GABRR1: variants seen among roughly 807,000 people sequenced by gnomAD.
GABRR1 encodes gamma-aminobutyric acid type A receptor subunit rho1.
A neutral mutation model predicts 55.5 loss-of-function variants in GABRR1; 59 were observed. That is an observed-to-expected ratio of 1.06 (90% CI 0.86 to 1.32). The LOEUF is 1.32. Ranked by LOEUF, GABRR1 falls within the 40% of genes most tolerant of loss-of-function variation. The probability of loss-of-function intolerance (pLI) is 0.00; values close to 1 mark genes in which losing one functional copy is unlikely to be tolerated. For synonymous variants in GABRR1, 213 were observed against 226.0 expected (o/e 0.94, Z 0.51); for missense variants, 602 against 619.1 (o/e 0.97, Z 0.29).
chr6:89,184,517 G>A (rs1378661431), intron 7 of GABRR1, among the ~76,000 whole-genome samples: 1 of 152,148 alleles, frequency 6.6e-6, no homozygotes, highest in African/African-American at 2.4e-5. Flanking sequence ...CTGACACTTA[G>A]AAGAGAGTCA....
intron 6 of GABRR1, among the ~76,000 whole-genome samples, chr6:89,189,711 T>C (rs1772026977): frequency 6.6e-6 from 1 of 152,058 alleles, no homozygotes; most frequent in Non-Finnish European, 1.5e-5. Flanking sequence ...AGTTTCAAAT[T>C]TGTTCCTGAT....
At chr6:89,230,406 G>T (rs1193160165) in intron 1 of GABRR1, among the ~76,000 whole-genome samples, 3 of 139,944 alleles carry the variant, frequency 2.1e-5, no homozygotes, top group Admixed American at 1.4e-4. Context: ...ATCTACTTTT[G>T]GTCTTTGATG....
upstream of GABRR1, among the ~76,000 whole-genome samples, chr6:89,217,988 G>T (rs573872923): frequency 2.0e-4 from 30 of 152,164 alleles, no homozygotes; most frequent in Non-Finnish European, 3.4e-4. Flanking sequence ...GAACCTTGCT[G>T]CACTGTCCAC....
At chr6:89,211,236 G>T (rs1043141725) in intron 1 of GABRR1, among the ~76,000 whole-genome samples, 5 of 152,134 alleles carry the variant, frequency 3.3e-5, no homozygotes, top group African/African-American at 1.2e-4. Flanking sequence ...GGTGATCAGA[G>T]ATCCAGTCCA....
At chr6:89,196,458 C>G (rs1186538662) in intron 5 of GABRR1, among the ~76,000 whole-genome samples, 1 of 151,896 alleles carries the variant, frequency 6.6e-6, no homozygotes, top group Non-Finnish European at 1.5e-5. Context: ...AGTTTTTGAG[C>G]CTTAAGATGC....
intron 1 of GABRR1, among the ~76,000 whole-genome samples, chr6:89,206,362 C>T (rs534768819): frequency 2.0e-5 from 3 of 152,286 alleles, no homozygotes; most frequent in East Asian, 1.9e-4. Flanking sequence ...AACTTCTTGC[C>T]GTTGTCAATT....
chr6:89,204,410 A>C (rs1772578265), intron 1 of GABRR1, among the ~76,000 whole-genome samples: 1 of 152,238 alleles, frequency 6.6e-6, no homozygotes, highest in Non-Finnish European at 1.5e-5. Flanking sequence ...CGTGAGGCCG[A>C]AGGACACCGG....
intron 1 of GABRR1, among the ~76,000 whole-genome samples, chr6:89,205,899 C>A (rs1486277143): frequency 6.6e-6 from 1 of 151,802 alleles, no homozygotes; most frequent in African/African-American, 2.4e-5. Context: ...ACCCCCCGCC[C>A]CCCCATCTCT....
rs147206477 is a variant in GABRR1, at chr6:89,190,438, G to A, written c.573-191C>T. On this transcript the variant is annotated intron_variant, in intron 5 of 9. Transcript: ENST00000454853. ...CACTGGAGTACTCTTAGGCATTTAT[G>A]TTTAACCCAAGGGTCAGTGTGAGGC... Among the ~76,000 whole-genome samples, 425 of 152,280 alleles carry A rather than the reference G, an allele frequency of 2.8e-3. 3 individuals carry two copies. Among genetic ancestry groups the A allele is most frequent in the African/African-American group, 9.6e-3 (400 of 41,540 alleles).
intron 1 of GABRR1, among the ~76,000 whole-genome samples, chr6:89,210,693 C>A (rs2127805643): frequency 6.6e-6 from 1 of 152,212 alleles, no homozygotes; most frequent in East Asian, 1.9e-4. Flanking sequence ...CAGGAAATAG[C>A]AAGAGTCAGG....
Position 89,190,686 on chromosome 6 carries a change from C to A in GABRR1, c.573-439G>T, listed in dbSNP as rs117908018. On this transcript the variant is annotated intron_variant, in intron 5 of 9. Coordinates refer to ENST00000454853, the MANE Select transcript of GABRR1 (RefSeq NM_002042.5). ...CATATACAATACAGTGTACACTTACCCCAGTTGCCAAGCTTGGCACTTTTT... is the reference window on the plus strand; with the variant it reads ...CATATACAATACAGTGTACACTTACACCAGTTGCCAAGCTTGGCACTTTTT... Among the ~76,000 whole-genome samples the A allele has an allele frequency of 4.2e-3, 645 of 152,192 alleles. 3 individuals are homozygous for A. Among genetic ancestry groups the A allele is most frequent in the Middle Eastern group, 0.017 (5 of 294 alleles).
At chr6:89,197,586 T>C (rs1772339456) in intron 5 of GABRR1, among the ~76,000 whole-genome samples, 1 of 152,368 alleles carries the variant, frequency 6.6e-6, no homozygotes, top group African/African-American at 2.4e-5. Flanking sequence ...GGGGTCCCCA[T>C]AGTTTCTCAA....
upstream of GABRR1, among the ~76,000 whole-genome samples, chr6:89,220,237 A>G (rs1199338256): frequency 2.0e-5 from 3 of 152,340 alleles, no homozygotes; most frequent in Middle Eastern, 6.8e-3. Context: ...GCATAACCAA[A>G]GAGAGCAAAC....
intron 1 of GABRR1, among the ~76,000 whole-genome samples, chr6:89,215,841 TA>T (rs1340553234): frequency 6.6e-6 from 1 of 152,224 alleles, no homozygotes; most frequent in Non-Finnish European, 1.5e-5. Flanking sequence ...ATAAATTATT[TA>T]AAAGAAAGTC....
rs774850815 is a variant in GABRR1 at position 89,198,009 on chromosome 6, T to C, written c.572+11A>G. 62 of 1,610,282 alleles carry C rather than the reference T, an allele frequency of 3.9e-5. No individual in the cohort carries two copies. Among genetic ancestry groups the C allele is most frequent in the Non-Finnish European group, 5.2e-5 (61 of 1,176,694 alleles). The stretch of plus-strand genomic sequence containing the variant: ...TCTTGGTTAATATGAATGATCTGCC[T>C]TTCTTCCTACCTGAGACTATAGAGC... On this transcript the variant is annotated intron_variant, in intron 5 of 9. Transcript: ENST00000454853.
Position 89,178,411 on chromosome 6 carries a change from G to A in GABRR1, c.*359C>T. ...GCCTGAACAATGTAATGACACTTGA[G>A]GAAAATAAATTATTCATGTGAATAG... On this transcript the variant is annotated 3_prime_UTR_variant, in exon 10 of 10. Transcript: ENST00000454853. 3.9e-6 allele frequency: 1 copy of A among 259,032 alleles called. No homozygotes were observed. The highest frequency in any genetic ancestry group is 7.4e-6 in the Non-Finnish European group (1 of 134,432). The allele number at this position is 259,032 out of a possible 1,614,324, so 16.0% of individuals were successfully genotyped here.
intron 1 of GABRR1, among the ~76,000 whole-genome samples, chr6:89,214,521 C>A (rs1331940641): frequency 1.3e-5 from 2 of 151,956 alleles, no homozygotes; most frequent in African/African-American, 4.8e-5. Flanking sequence ...GGGTTCATAT[C>A]TAAAATATAT....
intron 1 of GABRR1, among the ~76,000 whole-genome samples, chr6:89,225,027 C>T (rs1352142443): frequency 3.3e-5 from 5 of 152,068 alleles, no homozygotes; most frequent in East Asian, 1.9e-4. Context: ...GTGATCCACC[C>T]GCCTTGGCCT....
At chr6:89,195,468 A>G (rs960730588) in intron 5 of GABRR1, among the ~76,000 whole-genome samples, 27 of 152,314 alleles carry the variant, frequency 1.8e-4, no homozygotes, top group Admixed American at 1.7e-3. Flanking sequence ...GTCTCCAAAA[A>G]AAAAAAAGCT....
Sources: allele counts gnomAD v4.1 joint callset (sites outside exome capture counted in the v4.1 genomes callset), GRCh38; gene constraint gnomAD v4.1.1; transcripts MANE v1.5; gene names NCBI Gene and HGNC (gene_info 2026-07-23, HGNC 2026-07-21).